Variants in CMSS1 observed in about 807,000 individuals in gnomAD.
CMSS1 encodes the protein protein CMSS1.
In CMSS1, 33 loss-of-function variants were observed where a neutral mutation model predicts 43.5. The ratio of observed to expected loss-of-function variants is 0.76; its 90% CI spans 0.57 to 1.01. The LOEUF is 1.01. Ranked by LOEUF, CMSS1 falls within the 50% of genes least tolerant of loss-of-function variation. The pLI is 0.00. For missense variants in CMSS1, 313 were observed against 326.4 expected (o/e 0.96, Z 0.32); for synonymous variants, 115 against 117.2 (o/e 0.98, Z 0.12).
In CMSS1 at chr3:100,109,557, A is replaced by C. The variant is rs188814195; in HGVS notation, c.65-37416A>C. ...ATAGTTTTTGGGGGTTTTTTCCCAC[A>C]ATGTTGTATAAATGAACTCATTCAG... On this transcript the variant is annotated intron_variant, in intron 1 of 9. Coordinates refer to ENST00000421999, the MANE Select transcript of CMSS1 (RefSeq NM_032359.4). Among the ~76,000 whole-genome samples, 451 of 152,156 alleles carry C rather than the reference A, an allele frequency of 3.0e-3. 2 individuals are homozygous for C. The highest frequency in any genetic ancestry group is 0.01 in the African/African-American group (418 of 41,544).
chr3:100,148,893 G>C (rs1011122838), intron 2 of CMSS1, among the ~76,000 whole-genome samples: 1 of 151,926 alleles, frequency 6.6e-6, no homozygotes, highest in South Asian at 2.1e-4. Context: ...CCCTATACTA[G>C]TTTTAGTTTC....
At chr3:99,926,939 G>A (rs1707310780) in intron 1 of CMSS1, among the ~76,000 whole-genome samples, 1 of 152,104 alleles carries the variant, frequency 6.6e-6, no homozygotes, top group Non-Finnish European at 1.5e-5. Flanking sequence ...CTTGCAGTCT[G>A]TCCTCATCAC....
At chr3:99,832,966 T>TA (rs1394802754) in intron 1 of CMSS1, among the ~76,000 whole-genome samples, 1 of 151,688 alleles carries the variant, frequency 6.6e-6, no homozygotes, top group Non-Finnish European at 1.5e-5. Flanking sequence ...TAGAGCGTTA[T>TA]GTCAAATAGC....
intron 1 of CMSS1, among the ~76,000 whole-genome samples, chr3:99,965,465 T>C (rs1708621334): frequency 6.6e-6 from 1 of 152,220 alleles, no homozygotes; most frequent in Non-Finnish European, 1.5e-5. Context: ...TTCCAGACCT[T>C]TGGAATTGAG....
rs187870134 is a variant in CMSS1 at position 99,897,104 on chromosome 3, A to C, written c.64+79061A>C. ...CCAAGCATGGTGGCTCACGCCTGTA[A>C]TCCCAGCATTTTGGGAGGCAGAGGT... On this transcript the variant is annotated intron_variant, in intron 1 of 9. Transcript: ENST00000421999. Among the ~76,000 whole-genome samples, 4 of 152,280 alleles carry C rather than the reference A, an allele frequency of 2.6e-5. No individual in the cohort carries two copies. The East Asian group carries it at 7.7e-4, about 29-fold the overall frequency.
chr3:100,028,140 G>A (rs1388010117), intron 1 of CMSS1, among the ~76,000 whole-genome samples: 1 of 152,202 alleles, frequency 6.6e-6, no homozygotes, highest in Non-Finnish European at 1.5e-5. Context: ...CAGGCAGCAT[G>A]CTAATTGCTT....
chr3:99,895,910 G>A (rs539050505), intron 1 of CMSS1, among the ~76,000 whole-genome samples: 1 of 152,288 alleles, frequency 6.6e-6, no homozygotes, highest in East Asian at 1.9e-4. Flanking sequence ...GCTGGACAAA[G>A]GAACCCATCA....
intron 1 of CMSS1, chr3:99,929,804 A>G: frequency 7.3e-7 from 1 of 1,362,008 alleles, no homozygotes; most frequent in Admixed American, 2.2e-5. Flanking sequence ...GCTCATCTGC[A>G]GGGCTAGTGC....
intron 1 of CMSS1, among the ~76,000 whole-genome samples, chr3:99,854,218 A>G (rs1283008511): frequency 6.6e-6 from 1 of 152,130 alleles, no homozygotes; most frequent in Non-Finnish European, 1.5e-5. Context: ...TCCTACTTTG[A>G]GTAGGAATGG....
intron 1 of CMSS1, among the ~76,000 whole-genome samples, chr3:99,876,408 G>A (rs1380058409): frequency 2.0e-5 from 3 of 152,320 alleles, no homozygotes; most frequent in East Asian, 3.9e-4. Flanking sequence ...CCGGGGCGCC[G>A]GCGCCCTCCT....
At chr3:99,999,464 T>G (rs908287743) in intron 1 of CMSS1, among the ~76,000 whole-genome samples, 3 of 152,178 alleles carry the variant, frequency 2.0e-5, no homozygotes, top group Non-Finnish European at 4.4e-5. Flanking sequence ...CTAAAATTGT[T>G]TAGTAGATTA....
chr3:100,125,178 C>T (rs2066653450), intron 1 of CMSS1, among the ~76,000 whole-genome samples: 1 of 152,206 alleles, frequency 6.6e-6, no homozygotes, highest in South Asian at 2.1e-4. Flanking sequence ...GCTTCCTCCT[C>T]TTTCCCATAG....
intron 1 of CMSS1, among the ~76,000 whole-genome samples, chr3:99,854,626 T>A (rs1244295418): frequency 6.6e-6 from 1 of 152,134 alleles, no homozygotes; most frequent in African/African-American, 2.4e-5. Context: ...TACAAGATGT[T>A]TAGCAGCATC....
At chr3:99,898,412 T>C (rs1253823574) in intron 1 of CMSS1, 2 of 152,224 alleles carry the variant, frequency 1.3e-5, no homozygotes, top group Non-Finnish European at 2.9e-5. Flanking sequence ...AAATAAAAAT[T>C]ATGTTTTGTG....
chr3:99,819,374 A>C (rs940674890), intron 1 of CMSS1, among the ~76,000 whole-genome samples: 5 of 152,324 alleles, frequency 3.3e-5, no homozygotes, highest in Non-Finnish European at 7.3e-5. Flanking sequence ...AGGGGATCCC[A>C]ATTCTTGGTT....
At chr3:100,166,471 C>T (rs1405204238) in intron 5 of CMSS1, 77 bp downstream of exon 5, 2 of 1,001,668 alleles carry the variant, frequency 2.0e-6, no homozygotes, top group African/African-American at 1.6e-5. Context: ...GTTTTGGTCT[C>T]GTTTTTGTTT....
At chr3:99,883,760 A>G (rs1177489637) in intron 1 of CMSS1, among the ~76,000 whole-genome samples, 6 of 152,220 alleles carry the variant, frequency 3.9e-5, no homozygotes, top group Admixed American at 2.0e-4. Flanking sequence ...TTTAATGTTT[A>G]ATTGATGTCA....
intron 1 of CMSS1, among the ~76,000 whole-genome samples, chr3:99,957,689 CTTTCTTTTT>C (rs1708363693): frequency 1.3e-4 from 1 of 7,964 alleles, no homozygotes; most frequent in Non-Finnish European, 3.0e-4. Context: ...TCTTTTCTTT[CTTTCTTTTT>C]TTTTTTTTTT....
chr3:99,988,398 A>G (rs1709413674), intron 1 of CMSS1, among the ~76,000 whole-genome samples: 1 of 150,220 alleles, frequency 6.7e-6, no homozygotes, highest in Admixed American at 6.6e-5. Flanking sequence ...CTGTAGTCCC[A>G]GCTACTCAGA....
Sources: gnomAD v4.1 joint callset for allele counts (sites outside exome capture counted in the v4.1 genomes callset) on GRCh38, gnomAD v4.1.1 for gene constraint, MANE v1.5 for transcripts, NCBI Gene and HGNC (gene_info 2026-07-23, HGNC 2026-07-21) for gene names.